Variants in KIAA1328 observed in about 807,000 individuals in gnomAD.
KIAA1328 encodes KIAA1328.
KIAA1328 carries 52 observed loss-of-function variants against 68.1 expected under a neutral mutation model. The observed-to-expected ratio is 0.76, with a 90% CI of 0.61 to 0.96. KIAA1328 has a LOEUF of 0.96. Ranked by LOEUF, KIAA1328 falls within the 40% of genes least tolerant of loss-of-function variation. KIAA1328 has a pLI of 0.00. For synonymous variants in KIAA1328, 232 were observed against 239.4 expected, an observed-to-expected ratio of 0.97 and a Z score of 0.28; for missense variants, 641 against 677.6, an observed-to-expected ratio of 0.95 and a Z score of 0.60.
intron 4 of KIAA1328, among the ~76,000 whole-genome samples, chr18:36,860,652 G>A (rs1400830489): frequency 3.9e-5 from 6 of 152,040 alleles, no homozygotes; most frequent in Admixed American, 2.6e-4. Flanking sequence ...GTGTTTACAT[G>A]TATATTTAAA....
intron 6 of KIAA1328, among the ~76,000 whole-genome samples, chr18:37,026,292 G>A (rs2054576482): frequency 2.6e-5 from 4 of 152,072 alleles, no homozygotes; most frequent in South Asian, 4.1e-4. Flanking sequence ...CTACCCAGAG[G>A]TACAAGGAGG....
At chr18:36,979,440 A>C (rs1030267302) in intron 6 of KIAA1328, among the ~76,000 whole-genome samples, 3 of 152,186 alleles carry the variant, frequency 2.0e-5, no homozygotes, top group African/African-American at 7.2e-5. Context: ...AGGTAGGATC[A>C]CAGCTAAAAG....
intron 7 of KIAA1328, among the ~76,000 whole-genome samples, chr18:37,094,646 A>T (rs923378951): frequency 2.0e-5 from 3 of 152,232 alleles, no homozygotes; most frequent in African/African-American, 7.2e-5. Flanking sequence ...TTGTAATGAT[A>T]ACAAAAAAGA....
At chr18:36,841,950 C>G (rs1600941954) in intron 3 of KIAA1328, among the ~76,000 whole-genome samples, 2 of 149,958 alleles carry the variant, frequency 1.3e-5, no homozygotes, top group East Asian at 3.9e-4. Flanking sequence ...TATGGCTCTT[C>G]CAATGTTACG....
intron 4 of KIAA1328, among the ~76,000 whole-genome samples, chr18:36,856,786 GT>G (rs2047397556): frequency 1.3e-5 from 2 of 152,052 alleles, no homozygotes; most frequent in African/African-American, 4.8e-5. Flanking sequence ...TTATAATATG[GT>G]AATTGTGGAA....
At chr18:37,113,886 C>A (rs553885232) in intron 7 of KIAA1328, among the ~76,000 whole-genome samples, 1 of 152,142 alleles carries the variant, frequency 6.6e-6, no homozygotes, top group Non-Finnish European at 1.5e-5. Context: ...AGACTTTAAA[C>A]CAACTAATAT....
chr18:36,879,856 CAG>C (rs959065552), intron 4 of KIAA1328, among the ~76,000 whole-genome samples: 4 of 152,146 alleles, frequency 2.6e-5, no homozygotes, highest in African/African-American at 9.7e-5. Context: ...ACTCAAGCCT[CAG>C]TAATGGTGGA....
chr18:36,841,168 A>G (rs2046846763), intron 3 of KIAA1328, among the ~76,000 whole-genome samples: 1 of 152,074 alleles, frequency 6.6e-6, no homozygotes, highest in Non-Finnish European at 1.5e-5. Flanking sequence ...TGGTATGAAC[A>G]GTGCAGTGGA....
intron 9 of KIAA1328, among the ~76,000 whole-genome samples, chr18:37,185,809 C>T (rs565792057): frequency 6.6e-6 from 1 of 151,614 alleles, no homozygotes; most frequent in African/African-American, 2.4e-5. Flanking sequence ...GCCCTCCCCC[C>T]CAAAAAAAAA....
chr18:37,133,028 C>A (rs2058557911), intron 7 of KIAA1328, among the ~76,000 whole-genome samples: 1 of 152,026 alleles, frequency 6.6e-6, no homozygotes, highest in South Asian at 2.1e-4. Flanking sequence ...CATGGCATTC[C>A]AGAAAAGATA....
At chr18:37,166,421 A>G (rs1157880516) in intron 8 of KIAA1328, among the ~76,000 whole-genome samples, 1 of 152,122 alleles carries the variant, frequency 6.6e-6, no homozygotes, top group Non-Finnish European at 1.5e-5. Flanking sequence ...TTAAAACATT[A>G]TGAGATTTTT....
chr18:37,122,045 T>C (rs956190231), intron 7 of KIAA1328, among the ~76,000 whole-genome samples: 2 of 152,040 alleles, frequency 1.3e-5, no homozygotes, highest in Admixed American at 6.6e-5. Context: ...AGAATTTGAG[T>C]GCATTTAGAT....
intron 7 of KIAA1328, among the ~76,000 whole-genome samples, chr18:37,144,046 G>A (rs2058840817): frequency 6.6e-6 from 1 of 151,884 alleles, no homozygotes; most frequent in Admixed American, 6.6e-5. Context: ...AAGCTATCTG[G>A]GCAGTTTTCT....
intron 5 of KIAA1328, among the ~76,000 whole-genome samples, chr18:36,905,513 A>G (rs2049187710): frequency 6.6e-6 from 1 of 152,136 alleles, no homozygotes; most frequent in South Asian, 2.1e-4. Flanking sequence ...GCAGACTTTC[A>G]TTAATAGTTA....
chr18:36,894,378 G>C (rs2048801845), intron 5 of KIAA1328, among the ~76,000 whole-genome samples: 1 of 152,060 alleles, frequency 6.6e-6, no homozygotes, highest in African/African-American at 2.4e-5. Flanking sequence ...CAGTCACCAG[G>C]TCTTACTCAT....
In KIAA1328 at chr18:36,835,391, C is replaced by T. The variant is rs186527436; in HGVS notation, c.237+15C>T. ...TAGATGAACAGGTTAGTATTTTTTTCGTCTTTTTTTTTCCTTGCTCTCCAG... is the reference window on the plus strand; with the variant it reads ...TAGATGAACAGGTTAGTATTTTTTTTGTCTTTTTTTTTCCTTGCTCTCCAG... On this transcript the variant is annotated intron_variant, in intron 3 of 9. Transcript: ENST00000280020. 9,935 of 1,599,924 alleles carry T rather than the reference C, an allele frequency of 6.2e-3. 51 individuals are homozygous for T. Among genetic ancestry groups the T allele is most frequent in the Non-Finnish European group, 8.0e-3 (9,360 of 1,174,538 alleles).
intron 7 of KIAA1328, among the ~76,000 whole-genome samples, chr18:37,113,027 G>A (rs912880993): frequency 3.3e-5 from 5 of 152,148 alleles, no homozygotes; most frequent in African/African-American, 7.2e-5. Context: ...CCAAATCTAC[G>A]TTTGACTGGT....
chr18:37,127,741 T>C (rs1480351775), intron 7 of KIAA1328, among the ~76,000 whole-genome samples: 2 of 152,138 alleles, frequency 1.3e-5, no homozygotes, highest in Admixed American at 6.5e-5. Context: ...CGGTAAAATT[T>C]ATGTGGAAAT....
intron 7 of KIAA1328, among the ~76,000 whole-genome samples, chr18:37,073,697 C>A (rs532820731): frequency 6.6e-6 from 1 of 152,118 alleles, no homozygotes; most frequent in South Asian, 2.1e-4. Context: ...TAAGTATTTT[C>A]CAGAGCTAAA....
Sources: gnomAD v4.1 joint callset for allele counts (sites outside exome capture counted in the v4.1 genomes callset) on GRCh38, gnomAD v4.1.1 for gene constraint, MANE v1.5 for transcripts, NCBI Gene and HGNC (gene_info 2026-07-23, HGNC 2026-07-21) for gene names.